Variants in GABRG3 observed in about 807,000 individuals in gnomAD.
The protein encoded by GABRG3 is gamma-aminobutyric acid type A receptor subunit gamma3, also known as gamma-aminobutyric acid receptor subunit gamma-3.
GABRG3 carries 25 observed loss-of-function variants against 48.8 expected under a neutral mutation model. The ratio of observed to expected loss-of-function variants is 0.51; its 90% CI spans 0.37 to 0.72. The LOEUF is 0.72. Among genes scored for constraint, GABRG3 ranks in the 30% least tolerant of loss-of-function variants. The pLI, the probability that GABRG3 is intolerant of heterozygous loss-of-function variation, is 0.00. For synonymous variants in GABRG3, 227 were observed against 217.6 expected, an observed-to-expected ratio of 1.04 and a Z score of -0.38; for missense variants, 394 against 577.9, an observed-to-expected ratio of 0.68 and a Z score of 3.26.
At chr15:27,031,863 A>G (rs1308733471) in intron 3 of GABRG3, among the ~76,000 whole-genome samples, 2 of 152,218 alleles carry the variant, frequency 1.3e-5, no homozygotes, top group Non-Finnish European at 2.9e-5. Flanking sequence ...AAAATAAGTG[A>G]CAGCTGAAGC....
intron 5 of GABRG3, among the ~76,000 whole-genome samples, chr15:27,371,297 T>A (rs552355636): frequency 6.6e-6 from 1 of 152,284 alleles, no homozygotes; most frequent in East Asian, 1.9e-4. Context: ...TTTTCTGAAT[T>A]GTATGTCATG....
chr15:27,102,862 C>T (rs377523176), intron 3 of GABRG3, among the ~76,000 whole-genome samples: 2 of 152,098 alleles, frequency 1.3e-5, no homozygotes, highest in African/African-American at 4.8e-5. Flanking sequence ...TAGTACTCCC[C>T]CAAGTACCAC....
intron 5 of GABRG3, among the ~76,000 whole-genome samples, chr15:27,355,769 C>G (rs1042586610): frequency 6.6e-6 from 1 of 152,104 alleles, no homozygotes; most frequent in Non-Finnish European, 1.5e-5. Context: ...TCTGGACATA[C>G]AATGAATATT....
intron 2 of GABRG3, among the ~76,000 whole-genome samples, chr15:27,015,682 C>T (rs543907943): frequency 1.4e-4 from 21 of 152,026 alleles, no homozygotes; most frequent in Non-Finnish European, 2.2e-4. Context: ...CCACCGCGCC[C>T]GGCCGTGTTT....
chr15:27,124,788 G>A (rs1157637034), intron 3 of GABRG3, among the ~76,000 whole-genome samples: 2 of 152,180 alleles, frequency 1.3e-5, no homozygotes, highest in Non-Finnish European at 1.5e-5. Flanking sequence ...CCCCATAAAG[G>A]TTATCTCTGC....
intron 6 of GABRG3, among the ~76,000 whole-genome samples, chr15:27,505,160 C>G (rs956141074): frequency 6.6e-6 from 1 of 152,074 alleles, no homozygotes; most frequent in Non-Finnish European, 1.5e-5. Flanking sequence ...GACCTTGACA[C>G]TTTTGGTCAC....
At chr15:27,125,686 A>T (rs1897807814) in intron 3 of GABRG3, among the ~76,000 whole-genome samples, 1 of 152,268 alleles carries the variant, frequency 6.6e-6, no homozygotes, top group African/African-American at 2.4e-5. Flanking sequence ...GTTCGATATT[A>T]GCATTAGGTG....
At chr15:27,487,705 G>A (rs955638394) in intron 6 of GABRG3, among the ~76,000 whole-genome samples, 1 of 152,094 alleles carries the variant, frequency 6.6e-6, no homozygotes, top group Non-Finnish European at 1.5e-5. Flanking sequence ...TTATATTACT[G>A]CTTCCAATAT....
At chr15:27,495,278 G>A (rs1047087825) in intron 6 of GABRG3, among the ~76,000 whole-genome samples, 13 of 152,130 alleles carry the variant, frequency 8.5e-5, no homozygotes, top group African/African-American at 2.9e-4. Context: ...GTTCATCCAC[G>A]TTGTAGCCAT....
intron 2 of GABRG3, among the ~76,000 whole-genome samples, chr15:26,986,381 A>G (rs149165644): frequency 3.3e-5 from 5 of 152,272 alleles, no homozygotes; most frequent in African/African-American, 7.2e-5. Flanking sequence ...GAGAAATTAT[A>G]CCTGTCATCT....
intron 3 of GABRG3, among the ~76,000 whole-genome samples, chr15:27,053,451 G>A (rs1286093606): frequency 6.6e-6 from 1 of 152,204 alleles, no homozygotes; most frequent in Non-Finnish European, 1.5e-5. Context: ...TCTCACGCCA[G>A]TCAGAATAGT....
intron 3 of GABRG3, among the ~76,000 whole-genome samples, chr15:27,096,228 A>C (rs57727626): frequency 6.6e-6 from 1 of 151,976 alleles, no homozygotes; most frequent in Admixed American, 6.5e-5. Flanking sequence ...ATTGAGCACA[A>C]CTGTGTAGGG....
chr15:27,308,224 ATGTT>A (rs1892780693), intron 3 of GABRG3, among the ~76,000 whole-genome samples: 1 of 292 alleles, frequency 3.4e-3, no homozygotes, highest in Non-Finnish European at 0.015. Context: ...ATATATAAAC[ATGTT>A]TATATATCCA....
chr15:27,151,726 A>G (rs973416449), intron 3 of GABRG3, among the ~76,000 whole-genome samples: 5 of 152,116 alleles, frequency 3.3e-5, no homozygotes, highest in African/African-American at 1.2e-4. Context: ...CTCAACCCAA[A>G]TGGAAGAAGG....
At chr15:27,061,348 A>G (rs1008924496) in intron 3 of GABRG3, among the ~76,000 whole-genome samples, 9 of 152,034 alleles carry the variant, frequency 5.9e-5, no homozygotes, top group African/African-American at 2.2e-4. Context: ...CTCACACTGT[A>G]TACGGGGCTG....
intron 5 of GABRG3, among the ~76,000 whole-genome samples, chr15:27,461,166 C>T (rs1012267343): frequency 1.4e-4 from 22 of 152,238 alleles, no homozygotes; most frequent in Non-Finnish European, 3.1e-4. Flanking sequence ...CAGAGCACTG[C>T]TGCTGCTGCT....
chr15:27,010,106 A>T (rs891794), intron 2 of GABRG3, among the ~76,000 whole-genome samples: 1,587 of 151,988 alleles, frequency 0.01, 34 homozygotes, highest in African/African-American at 0.036. Flanking sequence ...TACCAAGCCC[A>T]GCTAATTTTT....
intron 3 of GABRG3, among the ~76,000 whole-genome samples, chr15:27,032,018 G>A (rs994159678): frequency 5.9e-5 from 9 of 152,142 alleles, no homozygotes; most frequent in Non-Finnish European, 8.8e-5. Context: ...TTTTGGCACC[G>A]TTCTAGGACT....
At chr15:27,097,728 T>TGAGCGGGTCAAGGCC (rs1225161969) in intron 3 of GABRG3, among the ~76,000 whole-genome samples, 1 of 152,212 alleles carries the variant, frequency 6.6e-6, no homozygotes, top group East Asian at 1.9e-4. Context: ...CTACTGGCAG[T>TGAGCGGGTCAAGGCC]GAGCGGGTCA....
Sources: gnomAD v4.1 joint callset for allele counts (sites outside exome capture counted in the v4.1 genomes callset) on GRCh38, gnomAD v4.1.1 for gene constraint, MANE v1.5 for transcripts, NCBI Gene and HGNC (gene_info 2026-07-23, HGNC 2026-07-21) for gene names.